The following ZNRD2 variants were observed in gnomAD, a reference collection of about 807,000 sequenced individuals.
ZNRD2 encodes the protein protein ZNRD2.
ZNRD2 carries 16 observed loss-of-function variants against 22.0 expected under a neutral mutation model. The ratio of observed to expected loss-of-function variants is 0.73; its 90% confidence interval spans 0.49 to 1.11. ZNRD2 has a LOEUF of 1.11. Among genes scored for constraint, ZNRD2 ranks in the 50% least tolerant of loss-of-function variants. The pLI is 0.00. For missense variants in ZNRD2, 269 were observed against 258.9 expected (o/e 1.04, Z -0.27); for synonymous variants, 105 against 109.8 (o/e 0.96, Z 0.27).
In ZNRD2 at chr11:65,570,734, C is replaced by G. The variant is rs1463288878; in HGVS notation, c.150C>G (p.Gly50=). 11 of 1,613,634 alleles carry G rather than the reference C, an allele frequency of 6.8e-6. No homozygotes were observed. Among genetic ancestry groups the G allele is most frequent in the Non-Finnish European group, 9.3e-6 (11 of 1,179,916 alleles). The change falls in exon 2 of 4, where the codon GGC becomes GGG. Residue 50 remains glycine, a synonymous_variant. Coordinates refer to ENST00000309328, the MANE Select transcript of ZNRD2 (RefSeq NM_006396.3). ...DYLLRGYRML[G]ETCADCGTIL... Reference sequence around the variant, plus strand: ...TGCTGCGCGGTTACCGCATGCTGGGCGAGACGTGTGCGGACTGCGGGGTGA... The same window carrying G: ...TGCTGCGCGGTTACCGCATGCTGGGGGAGACGTGTGCGGACTGCGGGGTGA...
Position 65,570,882 on chromosome 11 carries a change from G to A in ZNRD2, c.172-4G>A. 1 of 1,614,104 alleles carries A rather than the reference G, an allele frequency of 6.2e-7. No homozygotes were observed. Among genetic ancestry groups the A allele is most frequent in the Non-Finnish European group, 8.5e-7 (1 of 1,179,986 alleles). On this transcript the variant is annotated splice_region_variant and splice_polypyrimidine_tract_variant and intron_variant, in intron 2 of 3. Coordinates refer to ENST00000309328, the MANE Select transcript of ZNRD2 (RefSeq NM_006396.3). ...TCCGGCCCCGTGTGCTTTTTGGTCC[G>A]TAGACGATCCTCCTCCAAGACAAAC... is the stretch of plus-strand genomic sequence containing the variant.
intron 3 of ZNRD2, 86 bp downstream of exon 3, chr11:65,571,056 T>C: frequency 1.5e-6 from 2 of 1,295,016 alleles, no homozygotes; most frequent in Admixed American, 1.9e-5. Flanking sequence ...CCGAGAACAG[T>C]AGGGCTGAGA....
chr11:65,571,770 C>G lies in ZNRD2; in HGVS notation c.*36C>G. On this transcript the variant is annotated 3_prime_UTR_variant, in exon 4 of 4. Transcript: ENST00000309328. The stretch of plus-strand genomic sequence containing the variant: ...TGAGAAAAACCCTCTAGAAAAACAG[C>G]TGTTCCTCTGTGTGGTTTGTTTTTT... 6.6e-7 allele frequency: 1 copy of G among 1,522,658 alleles called. No homozygotes were observed. The highest frequency in any genetic ancestry group is 1.3e-5 in the South Asian group (1 of 79,368). 94.3% of individuals were successfully genotyped at this position (1,522,658 alleles called of 1,614,324 possible).
In ZNRD2 at chr11:65,571,744, C is replaced by T. The variant is rs1376936715; in HGVS notation, c.*10C>T. On this transcript the variant is annotated 3_prime_UTR_variant, in exon 4 of 4. Coordinates refer to ENST00000309328, the MANE Select transcript of ZNRD2 (RefSeq NM_006396.3). ...GCAGCTACAGCACTAAGAGAAGCCC[C>T]TGAGAAAAACCCTCTAGAAAAACAG... 6.4e-7 allele frequency: 1 copy of T among 1,574,594 alleles called. No homozygotes were observed. The highest frequency in any genetic ancestry group is 8.6e-7 in the Non-Finnish European group (1 of 1,160,278).
In ZNRD2 at chr11:65,571,844, C is replaced by T; in HGVS notation, c.*110C>T. On this transcript the variant is annotated 3_prime_UTR_variant, in exon 4 of 4. Coordinates refer to ENST00000309328, the MANE Select transcript of ZNRD2 (RefSeq NM_006396.3). ...AGCCCCAGCTCCACTCACCTTTTTC[C>T]AGCTTTTGGCCTCTTCACCTCTCCA... 1 of 1,433,004 alleles carries T rather than the reference C, an allele frequency of 7.0e-7. No individual in the cohort carries two copies. The highest frequency in any genetic ancestry group is 9.1e-7 in the Non-Finnish European group (1 of 1,092,998). 88.8% of individuals were successfully genotyped at this position (1,433,004 alleles called of 1,614,324 possible).
Position 65,571,547 on chromosome 11 carries a change from C to T in ZNRD2, c.413C>T (p.Pro138Leu). The T allele has an allele frequency of 6.2e-7, 1 of 1,614,032 alleles. No individual in the cohort carries two copies. Among genetic ancestry groups the T allele is most frequent in the Non-Finnish European group, 8.5e-7 (1 of 1,180,036 alleles). Residue 138 changes from proline (P) to leucine (L), a missense_variant, in exon 4 of 4, where the codon CCA (proline) becomes CTA (leucine). Physicochemically the swap from Pro to Leu is moderately conservative, Grantham distance 98. Coordinates refer to ENST00000309328, the MANE Select transcript of ZNRD2 (RefSeq NM_006396.3). ...AAAGLKAAQGPPAPAVPPNTD... is the reference protein window; with the variant it reads ...AAAGLKAAQGLPAPAVPPNTD... The stretch of plus-strand genomic sequence containing the variant: ...GCAGGACTCAAGGCAGCCCAGGGGC[C>T]ACCTGCTCCTGCTGTGCCTCCAAAT...
chr11:65,570,510 G>C lies in ZNRD2; in HGVS notation c.19G>C (p.Glu7Gln). 6.2e-7 allele frequency: 1 copy of C among 1,613,884 alleles called. No individual in the cohort carries two copies. Among genetic ancestry groups the C allele is most frequent in the Non-Finnish European group, 8.5e-7 (1 of 1,179,964 alleles). MALNGA[E>Q]VDDFSWEPPT... ...CGGCAACATGGCCCTGAACGGAGCTGGTGAGGACCTGGGCGGCAGGGGTTT... is the reference window on the plus strand; with the variant it reads ...CGGCAACATGGCCCTGAACGGAGCTCGTGAGGACCTGGGCGGCAGGGGTTT... The change falls in exon 1 of 4, where the codon GAA (glutamate) becomes CAA (glutamine). Residue 7 changes from glutamate to glutamine, a missense_variant and splice_region_variant. By Grantham distance (29) the Glu-to-Gln change is conservative. Transcript: ENST00000309328.
In ZNRD2 at chr11:65,571,853, G is replaced by A. The variant is rs2135187315; in HGVS notation, c.*119G>A. On this transcript the variant is annotated 3_prime_UTR_variant, in exon 4 of 4. Coordinates refer to ENST00000309328, the MANE Select transcript of ZNRD2 (RefSeq NM_006396.3). The stretch of plus-strand genomic sequence containing the variant: ...TCCACTCACCTTTTTCCAGCTTTTG[G>A]CCTCTTCACCTCTCCACTCTGCTCT... 3 of 1,406,970 alleles carry A rather than the reference G, an allele frequency of 2.1e-6. No individual in the cohort carries two copies. In the East Asian group the frequency reaches 7.5e-5, roughly 35 times the overall value. The allele number at this position is 1,406,970 out of a possible 1,614,324, so 87.2% of individuals were successfully genotyped here.
intron 2 of ZNRD2, 43 bp from the exon 3 acceptor site, chr11:65,570,843 T>C (rs769512941): frequency 7.4e-6 from 12 of 1,613,620 alleles, no homozygotes; most frequent in Non-Finnish European, 1.0e-5. Flanking sequence ...TGGACCCCAT[T>C]GCCGGCGTCT....
chr11:65,570,633 A>G lies in ZNRD2; in HGVS notation c.49A>G (p.Thr17Ala). The stretch of plus-strand genomic sequence containing the variant: ...CGACGACTTCTCCTGGGAGCCCCCG[A>G]CTGAGGCGGAGACGAAGGTGCTGCA... The part of the protein sequence containing the change: ...EVDDFSWEPP[T>A]EAETKVLQAR... The change falls in exon 2 of 4, where the codon ACT (threonine) becomes GCT (alanine). Residue 17 changes from threonine to alanine, a missense_variant. Coordinates refer to ENST00000309328, the MANE Select transcript of ZNRD2 (RefSeq NM_006396.3). The G allele has an allele frequency of 6.2e-7, 1 of 1,613,840 alleles. No homozygotes were observed. Among genetic ancestry groups the G allele is most frequent in the Non-Finnish European group, 8.5e-7 (1 of 1,179,952 alleles).
rs112923326 is a variant in ZNRD2, at chr11:65,571,775, C to T, written c.*41C>T. The stretch of plus-strand genomic sequence containing the variant: ...AAAACCCTCTAGAAAAACAGCTGTT[C>T]CTCTGTGTGGTTTGTTTTTTTCCTG... On this transcript the variant is annotated 3_prime_UTR_variant, in exon 4 of 4. Coordinates refer to ENST00000309328, the MANE Select transcript of ZNRD2 (RefSeq NM_006396.3). 23 of 1,513,292 alleles carry T rather than the reference C, an allele frequency of 1.5e-5. No homozygotes were observed. Among genetic ancestry groups the T allele is most frequent in the African/African-American group, 8.4e-5 (6 of 71,596 alleles). 93.7% of individuals were successfully genotyped at this position (1,513,292 alleles called of 1,614,324 possible).
At position 65,570,739 on chromosome 11, in the gene ZNRD2, C is replaced by T. The variant is rs767249546; in HGVS notation, c.155C>T (p.Thr52Met). The change falls in exon 2 of 4, where the codon ACG (threonine) becomes ATG (methionine). Residue 52 changes from threonine to methionine, a missense_variant. By Grantham distance (81) the Thr-to-Met change is moderately conservative (BLOSUM62 -1). Transcript: ENST00000309328. ...LLRGYRMLGETCADCGTILLQ... is the reference protein window; with the variant it reads ...LLRGYRMLGEMCADCGTILLQ... ...CGCGGTTACCGCATGCTGGGCGAGA[C>T]GTGTGCGGACTGCGGGGTGAGGCGA... 4.3e-6 allele frequency: 7 copies of T among 1,613,632 alleles called. No homozygotes were observed. Among genetic ancestry groups the T allele is most frequent in the Non-Finnish European group, 5.9e-6 (7 of 1,179,888 alleles).
chr11:65,570,601 C>G lies in ZNRD2; in HGVS notation c.20-3C>G. 6.2e-7 allele frequency: 1 copy of G among 1,613,920 alleles called. No homozygotes were observed. The highest frequency in any genetic ancestry group is 1.3e-5 in the African/African-American group (1 of 75,034). On this transcript the variant is annotated splice_polypyrimidine_tract_variant and splice_region_variant and intron_variant, in intron 1 of 3. Coordinates refer to ENST00000309328, the MANE Select transcript of ZNRD2 (RefSeq NM_006396.3). Reference sequence around the variant, plus strand: ...CCCCAGTCCCTATGCCTCTCTTCCCCAGAAGTCGACGACTTCTCCTGGGAG... The same window carrying G: ...CCCCAGTCCCTATGCCTCTCTTCCCGAGAAGTCGACGACTTCTCCTGGGAG...
Position 65,570,524 on chromosome 11 carries a change from C to T in ZNRD2, c.19+14C>T, listed in dbSNP as rs751979363. 1 of 1,613,860 alleles carries T rather than the reference C, an allele frequency of 6.2e-7. No individual in the cohort carries two copies. The highest frequency in any genetic ancestry group is 8.5e-7 in the Non-Finnish European group (1 of 1,179,926). On this transcript the variant is annotated intron_variant, in intron 1 of 3. Coordinates refer to ENST00000309328, the MANE Select transcript of ZNRD2 (RefSeq NM_006396.3). ...TGAACGGAGCTGGTGAGGACCTGGGCGGCAGGGGTTTGTGGCTGTGAGGTA... is the reference window on the plus strand; with the variant it reads ...TGAACGGAGCTGGTGAGGACCTGGGTGGCAGGGGTTTGTGGCTGTGAGGTA...
At chr11:65,570,563 A>C (rs1151496) in intron 1 of ZNRD2, 41 bp from the exon 2 acceptor site, 2 of 1,613,420 alleles carry the variant, frequency 1.2e-6, no homozygotes, top group Non-Finnish European at 1.7e-6. Context: ...GAGGCAGCCC[A>C]CTCCGGCAAG....
At chr11:65,571,358 C>G (rs754733631) in intron 3 of ZNRD2, 33 bp from the exon 4 acceptor site, 1 of 1,548,402 alleles carries the variant, frequency 6.5e-7, no homozygotes, top group Non-Finnish European at 8.7e-7. Context: ...GCCAGGCATC[C>G]TGACCATTCC....
rs779371920 is a variant in ZNRD2 at position 65,571,756 on chromosome 11, C to G, written c.*22C>G. The G allele has an allele frequency of 9.6e-6, 15 of 1,556,050 alleles. No homozygotes were observed. Among genetic ancestry groups the G allele is most frequent in the African/African-American group, 1.4e-5 (1 of 72,542 alleles). ...CTAAGAGAAGCCCCTGAGAAAAACC[C>G]TCTAGAAAAACAGCTGTTCCTCTGT... On this transcript the variant is annotated 3_prime_UTR_variant, in exon 4 of 4. Coordinates refer to ENST00000309328, the MANE Select transcript of ZNRD2 (RefSeq NM_006396.3).
At position 65,570,955 on chromosome 11, in the gene ZNRD2, G is replaced by A. The variant is rs1565110754; in HGVS notation, c.241G>A (p.Asp81Asn). ...TTGTCAGGAACTCGACTCAGACGTGGATAAAGATAATCCCGGTAAGAGTAA... is the reference window on the plus strand; with the variant it reads ...TTGTCAGGAACTCGACTCAGACGTGAATAAAGATAATCCCGGTAAGAGTAA... ...VACQELDSDVDKDNPALNAQA... is the reference protein window; with the variant it reads ...VACQELDSDVNKDNPALNAQA... Residue 81 changes from aspartate to asparagine, a missense_variant, in exon 3 of 4, where the codon GAT (aspartate) becomes AAT (asparagine). Transcript: ENST00000309328. 2 of 1,614,140 alleles carry A rather than the reference G, an allele frequency of 1.2e-6. No homozygotes were observed. Among genetic ancestry groups the A allele is most frequent in the South Asian group, 1.1e-5 (1 of 91,084 alleles).
At position 65,570,496 on chromosome 11, in the gene ZNRD2, C is replaced by G; in HGVS notation, c.5C>G (p.Ala2Gly). Residue 2 changes from alanine (A) to glycine (G), a missense_variant, in exon 1 of 4, where the codon GCC becomes GGC. By Grantham distance (60) the Ala-to-Gly change is moderately conservative (BLOSUM62 0). Coordinates refer to ENST00000309328, the MANE Select transcript of ZNRD2 (RefSeq NM_006396.3). M[A>G]LNGAEVDDFS... ...CCCGGCGGTGACAACGGCAACATGG[C>G]CCTGAACGGAGCTGGTGAGGACCTG... 8 of 1,613,728 alleles carry G rather than the reference C, an allele frequency of 5.0e-6. No homozygotes were observed. Among genetic ancestry groups the G allele is most frequent in the South Asian group, 2.2e-5 (2 of 91,070 alleles).
Sources: allele counts gnomAD v4.1 joint callset, GRCh38; gene constraint gnomAD v4.1.1; transcripts MANE v1.5; gene names NCBI Gene and HGNC (gene_info 2026-07-23, HGNC 2026-07-21).